Variants in ZNF654 observed in about 807,000 individuals in gnomAD.
ZNF654 encodes zinc finger protein 654.
Under a neutral mutation model 95.3 loss-of-function variants are expected in ZNF654, and 19 were observed. That is an observed-to-expected ratio of 0.20 (90% CI 0.14 to 0.29). The LOEUF (loss-of-function observed/expected upper bound fraction) is 0.29. ZNF654 is among the 10% of genes least tolerant of loss of function. The probability of loss-of-function intolerance (pLI) is 1.00; values close to 1 mark genes in which losing one functional copy is unlikely to be tolerated. For missense variants in ZNF654, 1,046 were observed against 1,341.0 expected, an observed-to-expected ratio of 0.78 and a Z score of 3.44; for synonymous variants, 413 against 457.9, an observed-to-expected ratio of 0.90 and a Z score of 1.25.
chr3:88,059,731 G>C (rs1310724837), intron 1 of ZNF654, among the ~76,000 whole-genome samples: 5 of 152,022 alleles, frequency 3.3e-5, no homozygotes, highest in Non-Finnish European at 7.4e-5. Flanking sequence ...TGAGTTTGTC[G>C]GGGATGGAGG....
chr3:88,123,370 G>A (rs1448308520), intron 3 of ZNF654, among the ~76,000 whole-genome samples: 2 of 152,108 alleles, frequency 1.3e-5, no homozygotes, highest in African/African-American at 4.8e-5. Flanking sequence ...TTTTATCTTA[G>A]AAAAATGAAT....
chr3:88,125,158 T>G (rs1428839052), intron 3 of ZNF654, among the ~76,000 whole-genome samples: 1 of 150,874 alleles, frequency 6.6e-6, no homozygotes, highest in African/African-American at 2.4e-5. Context: ...GAGGTTGCAG[T>G]GAGCCAAGAT....
At position 88,135,125 on chromosome 3, in the gene ZNF654, G is replaced by C; in HGVS notation, c.958G>C (p.Asp320His). The change falls in exon 7 of 9, where the codon GAT becomes CAT. Residue 320 changes from aspartate to histidine, a missense_variant. By Grantham distance (81) the Asp-to-His change is moderately conservative (BLOSUM62 -1). Transcript: ENST00000636215. ...KSNPSKQVFVDQCYQLLRTAT... is the reference protein window; with the variant it reads ...KSNPSKQVFVHQCYQLLRTAT... ...TAATCCTTCAAAACAAGTTTTTGTA[G>C]ATCAATGCTACCAGCTTTTAAGAAC... 6.7e-7 allele frequency: 1 copy of C among 1,485,604 alleles called. No individual in the cohort carries two copies. Among genetic ancestry groups the C allele is most frequent in the Non-Finnish European group, 8.9e-7 (1 of 1,124,610 alleles). The allele number at this position is 1,485,604 out of a possible 1,614,324, so 92.0% of individuals were successfully genotyped here. A position where few individuals can be genotyped will look rare whatever the true frequency, so the allele number is the denominator to read the frequency against.
chr3:88,084,621 G>T (rs1576234066), intron 1 of ZNF654, among the ~76,000 whole-genome samples: 1 of 152,282 alleles, frequency 6.6e-6, no homozygotes, highest in East Asian at 1.9e-4. Context: ...GGAAAGATGT[G>T]TGAGTACCTG....
intron 8 of ZNF654, 53 bp downstream of exon 8, chr3:88,141,101 A>G: frequency 6.6e-7 from 1 of 1,521,316 alleles, no homozygotes; most frequent in South Asian, 1.3e-5. Context: ...AAAATGGCAT[A>G]AATAAAACTA....
rs1237929688 is a variant in ZNF654 at position 88,086,369 on chromosome 3, A to C, written c.299A>C (p.Glu100Ala). The change falls in exon 2 of 9, where the codon GAG becomes GCG. Residue 100 changes from glutamate to alanine, a missense_variant. Transcript: ENST00000636215. ...TASASFPDECEHVQYVLSSLA... is the reference protein window; with the variant it reads ...TASASFPDECAHVQYVLSSLA... ...AGTGCATCATTCCCAGATGAATGTG[A>C]GCATGTACAATATGTTTTGAGTAGC... The C allele has an allele frequency of 6.5e-7, 1 of 1,535,374 alleles. No homozygotes were observed. Among genetic ancestry groups the C allele is most frequent in the African/African-American group, 1.4e-5 (1 of 73,008 alleles).
intron 1 of ZNF654, among the ~76,000 whole-genome samples, chr3:88,085,297 T>G (rs1225513370): frequency 7.2e-5 from 11 of 152,236 alleles, no homozygotes; most frequent in Non-Finnish European, 1.2e-4. Flanking sequence ...ACTACTGAAC[T>G]CAGTTGTTGT....
rs764910864 is a variant in ZNF654 at position 88,140,799 on chromosome 3, A to G, written c.3130A>G (p.Thr1044Ala). Reference sequence around the variant, plus strand: ...ACATACTTCATATGGCTTAATTTTAACAAAACCATACGTCAGACCATTGCC... The same window carrying G: ...ACATACTTCATATGGCTTAATTTTAGCAAAACCATACGTCAGACCATTGCC... ...SEHTSYGLIL[T>A]KPYVRPLPPS... Residue 1044 changes from threonine to alanine, a missense_variant, in exon 8 of 9, where the codon ACA becomes GCA. Around this residue, in one of 9 missense-constraint regions of ZNF654, gnomAD observed 6 missense variants for 31.0 expected, o/e 0.19. Transcript: ENST00000636215. 5 of 1,613,732 alleles carry G rather than the reference A, an allele frequency of 3.1e-6. No individual in the cohort carries two copies. The South Asian group carries it at 5.5e-5, about 18-fold the overall frequency.
Position 88,139,270 on chromosome 3 carries a change from G to A in ZNF654, c.1601G>A (p.Ser534Asn), listed in dbSNP as rs9813894. The A allele has an allele frequency of 0.84, 1,295,553 of 1,543,060 alleles. 546,589 individuals carry two copies. The highest frequency in any genetic ancestry group is 0.91 in the South Asian group (69,689 of 76,880). Residue 534 changes from serine to asparagine, a missense_variant, in exon 8 of 9, where the codon AGT becomes AAT. Coordinates refer to ENST00000636215, the MANE Select transcript of ZNF654 (RefSeq NM_001350134.2). ...ACGAAGAAAAATCTTACAGCTCTCA[G>A]TACTTCCAAAGTAGATCACAATGTC... ...INTKKNLTAL[S>N]TSKVDHNVPR...
At chr3:88,123,123 C>A (rs367706050) in intron 3 of ZNF654, among the ~76,000 whole-genome samples, 2 of 151,896 alleles carry the variant, frequency 1.3e-5, no homozygotes, top group East Asian at 3.9e-4. Flanking sequence ...TTATTCACTT[C>A]GAGGTTTTAA....
chr3:88,067,786 G>A (rs550425428), intron 1 of ZNF654, among the ~76,000 whole-genome samples: 2 of 152,276 alleles, frequency 1.3e-5, no homozygotes, highest in South Asian at 4.1e-4. Flanking sequence ...AGTGGGAGGT[G>A]AAGGAATAGA....
At position 88,103,950 on chromosome 3, in the gene ZNF654, C is replaced by T. The variant is rs777819538; in HGVS notation, c.333-9165C>T. On this transcript the variant is annotated intron_variant, in intron 2 of 8. Coordinates refer to ENST00000636215, the MANE Select transcript of ZNF654 (RefSeq NM_001350134.2). ...CCTGGCTGATTTTTTTATTTTTAGA[C>T]GGGGTTTTGTCATGTTGGCCCGGCT... Among the ~76,000 whole-genome samples, 86 of 151,494 alleles carry T rather than the reference C, an allele frequency of 5.7e-4. 2 individuals are homozygous for T. Among genetic ancestry groups the T allele is most frequent in the Non-Finnish European group, 3.4e-4 (23 of 67,860 alleles).
intron 2 of ZNF654, among the ~76,000 whole-genome samples, chr3:88,112,751 A>G (rs562471287): frequency 6.6e-6 from 1 of 152,088 alleles, no homozygotes; most frequent in Admixed American, 6.6e-5. Context: ...CTGGAGTCCC[A>G]TTATATTAGG....
intron 7 of ZNF654, among the ~76,000 whole-genome samples, chr3:88,137,118 C>T (rs1250281383): frequency 6.9e-6 from 1 of 145,672 alleles, no homozygotes; most frequent in Non-Finnish European, 1.5e-5. Context: ...TTGCTTGAAC[C>T]CGGGAGGCAG....
At chr3:88,112,304 T>C (rs1705140789) in intron 2 of ZNF654, among the ~76,000 whole-genome samples, 1 of 151,834 alleles carries the variant, frequency 6.6e-6, no homozygotes. Context: ...AAAACAACTT[T>C]AGGTAGTTAC....
intron 2 of ZNF654, chr3:88,095,916 T>C (rs181643092): frequency 7.4e-6 from 3 of 405,434 alleles, no homozygotes; most frequent in Non-Finnish European, 1.4e-5. Context: ...CTCCACAGTC[T>C]ACTCCTCTTC....
In ZNF654 at chr3:88,129,754, C is replaced by G. The variant is rs554418385; in HGVS notation, c.821C>G (p.Thr274Ser). Residue 274 changes from threonine (T) to serine (S), a missense_variant, in exon 6 of 9, where the codon ACT becomes AGT. Physicochemically the swap from Thr to Ser is moderately conservative, Grantham distance 58 (BLOSUM62 1). Coordinates refer to ENST00000636215, the MANE Select transcript of ZNF654 (RefSeq NM_001350134.2). Reference sequence around the variant, plus strand: ...TGTAATGCTGAAAAAGAAGGCAAAACTATGTTAGCCTTGCAACTCTGTGAA... The same window carrying G: ...TGTAATGCTGAAAAAGAAGGCAAAAGTATGTTAGCCTTGCAACTCTGTGAA... The part of the protein sequence containing the change: ...IICNAEKEGK[T>S]MLALQLCESF... 4.4e-5 allele frequency: 67 copies of G among 1,528,348 alleles called. 2 individuals are homozygous for G. In the Middle Eastern group the frequency reaches 5.0e-4, roughly 11 times the overall value. 94.7% of individuals were successfully genotyped at this position (1,528,348 alleles called of 1,614,324 possible).
chr3:88,117,943 A>AT (rs1352255842), intron 3 of ZNF654, among the ~76,000 whole-genome samples: 1 of 53,018 alleles, frequency 1.9e-5, no homozygotes, highest in Non-Finnish European at 5.5e-5. Flanking sequence ...CCAATAGATG[A>AT]TTAAAAAAAA....
intron 1 of ZNF654, among the ~76,000 whole-genome samples, chr3:88,061,001 A>G (rs913363753): frequency 6.6e-6 from 1 of 152,096 alleles, no homozygotes; most frequent in Non-Finnish European, 1.5e-5. Flanking sequence ...GACTTTCTTG[A>G]AAATGTATTT....
Sources: gnomAD v4.1 joint callset for allele counts (sites outside exome capture counted in the v4.1 genomes callset) on GRCh38, gnomAD v4.1.1 for gene constraint, gnomAD v4.1.1 regional missense constraint, MANE v1.5 for transcripts, NCBI Gene and HGNC (gene_info 2026-07-23, HGNC 2026-07-21) for gene names.